The following FGF1 variants were observed in gnomAD, a reference collection of about 807,000 sequenced individuals.
FGF1 encodes the protein beta-endothelial cell growth factor.
FGF1 carries 9 observed loss-of-function variants against 13.4 expected under a neutral mutation model. The ratio of observed to expected loss-of-function variants is 0.67; its 90% CI spans 0.40 to 1.17. The LOEUF (loss-of-function observed/expected upper bound fraction) is 1.17, where lower values mean the gene tolerates loss of function less well. FGF1 is among the 50% of genes most tolerant of loss of function. The pLI is 0.01. For missense variants in FGF1, 156 were observed against 192.7 expected, an observed-to-expected ratio of 0.81 and a Z score of 1.13; for synonymous variants, 93 against 79.0, an observed-to-expected ratio of 1.18 and a Z score of -0.94.
At chr5:142,677,822 A>G (rs1772921413) in intron 1 of FGF1, among the ~76,000 whole-genome samples, 3 of 152,214 alleles carry the variant, frequency 2.0e-5, no homozygotes, top group African/African-American at 4.8e-5. Context: ...CTGCCTTCAT[A>G]AGGCTTACAT....
chr5:142,693,244 GTTAA>G (rs1442405533), intron 2 of FGF1, among the ~76,000 whole-genome samples: 1 of 152,052 alleles, frequency 6.6e-6, no homozygotes, highest in Non-Finnish European at 1.5e-5. Flanking sequence ...CTGTCGCGGG[GTTAA>G]TTATTTCAAT....
intron 1 of FGF1, among the ~76,000 whole-genome samples, chr5:142,662,270 T>C (rs1414053193): frequency 2.6e-5 from 4 of 152,198 alleles, no homozygotes; most frequent in Non-Finnish European, 5.9e-5. Context: ...AATTGTGAAT[T>C]ATATCTCAAG....
intron 1 of FGF1, among the ~76,000 whole-genome samples, chr5:142,628,502 T>G (rs545153025): frequency 6.6e-6 from 1 of 152,318 alleles, no homozygotes; most frequent in East Asian, 1.9e-4. Context: ...AGAGCAAGAC[T>G]CCGTCTCAAA....
intron 3 of FGF1, among the ~76,000 whole-genome samples, chr5:142,597,092 AG>A (rs1001837839): frequency 1.6e-4 from 24 of 152,252 alleles, no homozygotes; most frequent in Non-Finnish European, 2.9e-4. Context: ...ATTTGTGCAA[AG>A]ATAAAAAACC....
upstream of FGF1, among the ~76,000 whole-genome samples, chr5:142,688,277 AT>A (rs1167569428): frequency 1.3e-5 from 2 of 152,230 alleles, no homozygotes; most frequent in Non-Finnish European, 2.9e-5. Flanking sequence ...TTAAAATTTC[AT>A]TATAATATCC....
At chr5:142,628,962 G>A (rs1004135089) in intron 1 of FGF1, among the ~76,000 whole-genome samples, 2 of 152,094 alleles carry the variant, frequency 1.3e-5, no homozygotes, top group Non-Finnish European at 2.9e-5. Context: ...TATGAAGTTT[G>A]ATAAATCTAG....
chr5:142,645,718 G>A (rs1334327708), intron 1 of FGF1, among the ~76,000 whole-genome samples: 1 of 152,012 alleles, frequency 6.6e-6, no homozygotes, highest in Admixed American at 6.6e-5. Flanking sequence ...TCCTCCAACG[G>A]CCTCCATTAC....
At position 142,652,968 on chromosome 5, in the gene FGF1, C is replaced by A. The variant is rs554699955; in HGVS notation, c.-35+32989G>T. 5.3e-5 allele frequency among the ~76,000 whole-genome samples: 8 copies of A among 152,308 alleles called. No individual in the cohort carries two copies. The East Asian group carries it at 1.5e-3, about 29-fold the overall frequency. ...AGTGTCACTTTCCATTTATAGACAG[C>A]CTTCTCTTGGGAGGCTCCATCCTCC... On this transcript the variant is annotated intron_variant, in intron 1 of 3. Coordinates refer to ENST00000337706, the MANE Select transcript of FGF1 (RefSeq NM_000800.5).
At chr5:142,620,372 C>T (rs775372853) in intron 1 of FGF1, among the ~76,000 whole-genome samples, 85 of 151,768 alleles carry the variant, frequency 5.6e-4, no homozygotes, top group Non-Finnish European at 5.4e-4. Context: ...GAGCTGAGAT[C>T]GCGCCACTGC....
At chr5:142,645,581 A>C (rs1765887360) in intron 1 of FGF1, among the ~76,000 whole-genome samples, 1 of 152,164 alleles carries the variant, frequency 6.6e-6, no homozygotes, top group Non-Finnish European at 1.5e-5. Flanking sequence ...AATAGTACCT[A>C]CTACAGAGGC....
chr5:142,599,395 TG>T (rs1388912029), intron 3 of FGF1, among the ~76,000 whole-genome samples: 1 of 152,222 alleles, frequency 6.6e-6, no homozygotes, highest in African/African-American at 2.4e-5. Context: ...TTGGGACCCT[TG>T]GCTGAGATGA....
At position 142,594,977 on chromosome 5, in the gene FGF1, A is replaced by T; in HGVS notation, c.*313T>A. ...TAATGTCCCACTTAGCCGACCCCTTAACACACTTCATTTAGCCCCACTTTT... is the reference window on the plus strand; with the variant it reads ...TAATGTCCCACTTAGCCGACCCCTTTACACACTTCATTTAGCCCCACTTTT... On this transcript the variant is annotated 3_prime_UTR_variant, in exon 4 of 4. Transcript: ENST00000337706. 6.8e-6 allele frequency: 2 copies of T among 293,046 alleles called. No individual in the cohort carries two copies. Among genetic ancestry groups the T allele is most frequent in the Non-Finnish European group, 1.3e-5 (2 of 157,816 alleles). The allele number at this position is 293,046 out of a possible 1,614,324, so 18.2% of individuals were successfully genotyped here. A position where few individuals can be genotyped will look rare whatever the true frequency, so the allele number is the denominator to read the frequency against.
intron 1 of FGF1, among the ~76,000 whole-genome samples, chr5:142,645,794 A>G (rs1055923533): frequency 3.3e-5 from 5 of 152,152 alleles, no homozygotes; most frequent in African/African-American, 1.2e-4. Context: ...TACTTCCTCC[A>G]GAAGTCATCC....
At chr5:142,683,340 G>A (rs1374303223) in intron 1 of FGF1, among the ~76,000 whole-genome samples, 1 of 152,136 alleles carries the variant, frequency 6.6e-6, no homozygotes, top group Non-Finnish European at 1.5e-5. Flanking sequence ...AAATGAGGCT[G>A]GGACCTGCTG....
At chr5:142,614,597 G>A (rs541506651) in intron 1 of FGF1, among the ~76,000 whole-genome samples, 2 of 152,238 alleles carry the variant, frequency 1.3e-5, no homozygotes, top group African/African-American at 4.8e-5. Flanking sequence ...CCACCCTCAC[G>A]TTGCGTTGGT....
chr5:142,665,703 A>C (rs1464743017), intron 1 of FGF1, among the ~76,000 whole-genome samples: 5 of 152,000 alleles, frequency 3.3e-5, no homozygotes, highest in Non-Finnish European at 5.9e-5. Flanking sequence ...TAGCTCACAC[A>C]CTTAGAGCCT....
chr5:142,671,037 G>A (rs1186752137), intron 1 of FGF1, among the ~76,000 whole-genome samples: 1 of 152,166 alleles, frequency 6.6e-6, no homozygotes, highest in Non-Finnish European at 1.5e-5. Context: ...TATGAATTAA[G>A]AGGAAAAAGT....
intron 3 of FGF1, 118 bp downstream of exon 3, chr5:142,600,584 G>A (rs1340884777): frequency 8.0e-6 from 6 of 749,656 alleles, no homozygotes; most frequent in Non-Finnish European, 1.4e-5. Flanking sequence ...AATCCTTCTG[G>A]AAAAAATAAC....
intron 1 of FGF1, among the ~76,000 whole-genome samples, chr5:142,666,836 C>T (rs1056015636): frequency 6.6e-6 from 1 of 151,640 alleles, no homozygotes; most frequent in African/African-American, 2.4e-5. Context: ...ACTCAGGAGG[C>T]TGAGGTGGGA....
Sources: allele counts gnomAD v4.1 joint callset (sites outside exome capture counted in the v4.1 genomes callset), GRCh38; gene constraint gnomAD v4.1.1; transcripts MANE v1.5; gene names NCBI Gene and HGNC (gene_info 2026-07-23, HGNC 2026-07-21).